Variants in NCAM2 observed in about 807,000 individuals in gnomAD.
NCAM2 encodes neural cell adhesion molecule 2.
Under a neutral mutation model 98.1 loss-of-function variants are expected in NCAM2, and 30 were observed. That is an observed-to-expected ratio of 0.31 (90% CI 0.23 to 0.41). The LOEUF (loss-of-function observed/expected upper bound fraction) is 0.41, where lower values mean the gene tolerates loss of function less well. Ranked by LOEUF, NCAM2 falls within the 10% of genes least tolerant of loss-of-function variation. The pLI is 1.00. For synonymous variants in NCAM2, 368 were observed against 342.4 expected (o/e 1.07, Z -0.83); for missense variants, 867 against 1,005.8 (o/e 0.86, Z 1.87).
intron 15 of NCAM2, among the ~76,000 whole-genome samples, chr21:21,501,604 T>C (rs1286334380): frequency 8.0e-6 from 1 of 124,452 alleles, no homozygotes; most frequent in East Asian, 2.3e-4. Flanking sequence ...GAAGCATACA[T>C]GGATTAATGT....
intron 9 of NCAM2, among the ~76,000 whole-genome samples, chr21:21,378,958 G>A (rs970296475): frequency 2.0e-5 from 3 of 151,784 alleles, no homozygotes; most frequent in Admixed American, 6.6e-5. Flanking sequence ...CATGTTATAC[G>A]GTTCGTGTTT....
intron 16 of NCAM2, among the ~76,000 whole-genome samples, chr21:21,527,192 A>G (rs1013818809): frequency 3.6e-4 from 55 of 150,902 alleles, no homozygotes; most frequent in African/African-American, 1.3e-3. Context: ...GCTCACTGCA[A>G]CCTCCACCTC....
At chr21:21,223,648 C>T (rs2070260613) in intron 1 of NCAM2, 3 of 152,010 alleles carry the variant, frequency 2.0e-5, no homozygotes, top group Admixed American at 2.0e-4. Context: ...GTGAGTGCAC[C>T]ATGCAATGTT....
intron 1 of NCAM2, chr21:21,147,205 C>G (rs1051156468): frequency 1.0e-6 from 1 of 985,344 alleles, no homozygotes; most frequent in African/African-American, 1.7e-5. Context: ...GCACATGGAA[C>G]TCTGCCTCCG....
At chr21:21,430,263 A>G (rs779824463) in intron 11 of NCAM2, among the ~76,000 whole-genome samples, 1 of 151,742 alleles carries the variant, frequency 6.6e-6, no homozygotes, top group Non-Finnish European at 1.5e-5. Flanking sequence ...CCTGACCTCA[A>G]GTAATCCGCC....
At chr21:21,162,031 G>C (rs1273797842) in intron 1 of NCAM2, among the ~76,000 whole-genome samples, 1 of 151,942 alleles carries the variant, frequency 6.6e-6, no homozygotes, top group Non-Finnish European at 1.5e-5. Context: ...GAGGATTTTT[G>C]ACAAAAGGGA....
At chr21:21,349,047 C>T (rs1022650598) in intron 8 of NCAM2, among the ~76,000 whole-genome samples, 2 of 151,910 alleles carry the variant, frequency 1.3e-5, no homozygotes, top group African/African-American at 4.8e-5. Flanking sequence ...TGAGCAATAC[C>T]CCACAAGCAC....
rs768232486 is a variant in NCAM2, at chr21:21,472,969, C to T, written c.1896+4186C>T. Among the ~76,000 whole-genome samples, 441 of 79,802 alleles carry T rather than the reference C, an allele frequency of 5.5e-3. 2 individuals are homozygous for T. Among genetic ancestry groups the T allele is most frequent in the Non-Finnish European group, 6.6e-3 (291 of 44,174 alleles). 52.4% of individuals were successfully genotyped at this position (79,802 alleles called of 152,430 possible). A position where few individuals can be genotyped will look rare whatever the true frequency, so the allele number is the denominator to read the frequency against. ...AAATGTATATATATACATATATGTA[C>T]ACACACACACACACACACACACACG... On this transcript the variant is annotated intron_variant, in intron 14 of 17. Coordinates refer to ENST00000400546, the MANE Select transcript of NCAM2 (RefSeq NM_004540.5).
intron 8 of NCAM2, among the ~76,000 whole-genome samples, chr21:21,364,002 A>T (rs1046660176): frequency 6.6e-6 from 1 of 152,056 alleles, no homozygotes; most frequent in African/African-American, 2.4e-5. Context: ...TGTATAAATT[A>T]CCTGTTCTTC....
At chr21:21,113,434 G>T (rs1308063064) in intron 1 of NCAM2, among the ~76,000 whole-genome samples, 1 of 152,140 alleles carries the variant, frequency 6.6e-6, no homozygotes, top group African/African-American at 2.4e-5. Context: ...GGACAAAATT[G>T]TAACTGCATA....
At chr21:21,153,449 A>G (rs2146723393) in intron 1 of NCAM2, among the ~76,000 whole-genome samples, 1 of 152,060 alleles carries the variant, frequency 6.6e-6, no homozygotes, top group East Asian at 1.9e-4. Context: ...TGAATTACAC[A>G]CAACATAAAT....
intron 1 of NCAM2, among the ~76,000 whole-genome samples, chr21:21,021,730 A>C (rs1011641675): frequency 6.6e-6 from 1 of 152,328 alleles, no homozygotes; most frequent in Non-Finnish European, 1.5e-5. Context: ...AACACTTCTT[A>C]GTCATTTTAA....
At chr21:21,049,800 G>A (rs896428234) in intron 1 of NCAM2, among the ~76,000 whole-genome samples, 3 of 151,998 alleles carry the variant, frequency 2.0e-5, no homozygotes, top group Non-Finnish European at 2.9e-5. Context: ...GAACCTGGGA[G>A]GCGGAGGTTG....
At chr21:21,048,925 C>G (rs2146286822) in intron 1 of NCAM2, among the ~76,000 whole-genome samples, 1 of 152,080 alleles carries the variant, frequency 6.6e-6, no homozygotes, top group African/African-American at 2.4e-5. Context: ...CAGTTTGTAG[C>G]TCTCATAAGA....
At chr21:21,112,061 C>G (rs1312238279) in intron 1 of NCAM2, among the ~76,000 whole-genome samples, 1 of 152,132 alleles carries the variant, frequency 6.6e-6, no homozygotes, top group Non-Finnish European at 1.5e-5. Context: ...TGTAGACATT[C>G]TCTTATTTTA....
chr21:21,354,023 A>G (rs1198360135), intron 8 of NCAM2, among the ~76,000 whole-genome samples: 1 of 152,084 alleles, frequency 6.6e-6, no homozygotes, highest in African/African-American at 2.4e-5. Flanking sequence ...CGAGGGAGTG[A>G]TTTTGCCTCT....
intron 1 of NCAM2, among the ~76,000 whole-genome samples, chr21:21,028,640 C>T (rs2064603168): frequency 6.6e-6 from 1 of 152,304 alleles, no homozygotes; most frequent in African/African-American, 2.4e-5. Context: ...TGAGACAGTG[C>T]AATGCAATAT....
At chr21:21,159,769 G>C (rs769603429) in intron 1 of NCAM2, among the ~76,000 whole-genome samples, 9 of 151,730 alleles carry the variant, frequency 5.9e-5, no homozygotes, top group Non-Finnish European at 1.3e-4. Flanking sequence ...CTCTCTCTCT[G>C]TATATATATG....
intron 10 of NCAM2, among the ~76,000 whole-genome samples, chr21:21,412,494 T>G (rs751314813): frequency 1.9e-4 from 29 of 149,094 alleles, no homozygotes; most frequent in Non-Finnish European, 3.6e-4. Context: ...TACTTCATCT[T>G]GACATTTTTT....
Sources: allele counts gnomAD v4.1 joint callset (sites outside exome capture counted in the v4.1 genomes callset), GRCh38; gene constraint gnomAD v4.1.1; transcripts MANE v1.5; gene names NCBI Gene and HGNC (gene_info 2026-07-23, HGNC 2026-07-21).